TVP23C: variants seen among roughly 807,000 people sequenced by gnomAD.
The protein encoded by TVP23C is trans-golgi network vesicle protein 23 homolog C.
Under a neutral mutation model 28.7 loss-of-function variants are expected in TVP23C, and 19 were observed. The observed-to-expected ratio is 0.66, with a 90% confidence interval of 0.46 to 0.97. The LOEUF is 0.97. Ranked by LOEUF, TVP23C falls within the 50% of genes least tolerant of loss-of-function variation. The probability of loss-of-function intolerance (pLI) is 0.00; values close to 1 mark genes in which losing one functional copy is unlikely to be tolerated. For synonymous variants in TVP23C, 68 were observed against 81.7 expected (o/e 0.83, Z 0.90); for missense variants, 186 against 241.3 (o/e 0.77, Z 1.52).
At chr17:15,532,009 C>T (rs981108336), downstream of TVP23C, among the ~76,000 whole-genome samples, 12 of 152,120 alleles carry the variant, frequency 7.9e-5, no homozygotes, top group African/African-American at 2.9e-4. Flanking sequence ...ATGTTGCAGT[C>T]ACCAAAATCT....
intron 5 of TVP23C, among the ~76,000 whole-genome samples, chr17:15,520,824 T>C (rs1002856616): frequency 2.6e-5 from 4 of 151,880 alleles, no homozygotes; most frequent in Non-Finnish European, 4.4e-5. Flanking sequence ...AGATTGGAAA[T>C]GAAGGAAAAA....
chr17:15,516,786 G>A (rs926680585), intron 5 of TVP23C: 1 of 152,160 alleles, frequency 6.6e-6, no homozygotes. Flanking sequence ...TTGAGGTGAT[G>A]GCCACACATC....
chr17:15,546,102 A>C (rs1457475196), intron 4 of TVP23C, among the ~76,000 whole-genome samples, 186 bp from the exon 5 acceptor site: 1 of 152,218 alleles, frequency 6.6e-6, no homozygotes, highest in Non-Finnish European at 1.5e-5. Flanking sequence ...ATATTAACTC[A>C]AGAATTTTGC....
intron 5 of TVP23C, among the ~76,000 whole-genome samples, chr17:15,524,788 A>T (rs1238409011): frequency 6.6e-6 from 1 of 152,174 alleles, no homozygotes; most frequent in Non-Finnish European, 1.5e-5. Context: ...TTGCTGCTTG[A>T]AAACCTTTAT....
intron 1 of TVP23C, among the ~76,000 whole-genome samples, chr17:15,560,140 A>G (rs1382386469): frequency 1.3e-5 from 2 of 149,198 alleles, no homozygotes; most frequent in African/African-American, 2.4e-5. Flanking sequence ...GCTCACTGCA[A>G]CCTCCGCCTC....
At chr17:15,502,886 T>C (rs1981535834) in exon 6 of TVP23C, 2 of 1,591,144 alleles carry the variant, frequency 1.3e-6, no homozygotes, top group Admixed American at 1.8e-5. Flanking sequence ...GGATGCCAGA[T>C]GAAATTTTGG....
intron 5 of TVP23C, among the ~76,000 whole-genome samples, chr17:15,526,454 C>T (rs1313146961): frequency 6.6e-6 from 1 of 152,196 alleles, no homozygotes; most frequent in African/African-American, 2.4e-5. Flanking sequence ...ACACATAGCA[C>T]TCATAGTTCT....
exon 6 of TVP23C, chr17:15,502,585 G>A: frequency 2.4e-6 from 1 of 410,410 alleles, no homozygotes; most frequent in Non-Finnish European, 4.2e-6. Flanking sequence ...GCATGGCCCT[G>A]CCCCACAAAG....
chr17:15,506,918 G>A, intron 5 of TVP23C: 1 of 1,067,222 alleles, frequency 9.4e-7, no homozygotes, highest in Non-Finnish European at 1.4e-6. Context: ...GAGCCCTTGG[G>A]CCGCATCTCC....
At chr17:15,561,708 G>C (rs372405628) in intron 1 of TVP23C, among the ~76,000 whole-genome samples, 1 of 147,926 alleles carries the variant, frequency 6.8e-6, no homozygotes, top group Non-Finnish European at 1.5e-5. Flanking sequence ...AGCCTCATCC[G>C]GCCTGGGCGC....
chr17:15,504,995 T>G (rs1248640835), intron 5 of TVP23C, among the ~76,000 whole-genome samples: 1 of 152,194 alleles, frequency 6.6e-6, no homozygotes, highest in African/African-American at 2.4e-5. Flanking sequence ...CGCTGTTTAT[T>G]TGAGTCAGCA....
chr17:15,507,953 G>A (rs1325320986), intron 5 of TVP23C, among the ~76,000 whole-genome samples: 3 of 152,228 alleles, frequency 2.0e-5, no homozygotes, highest in Non-Finnish European at 4.4e-5. Context: ...TCGAGTTCAT[G>A]TAAGGAGTAA....
chr17:15,554,900 C>T (rs1256325749), intron 2 of TVP23C, among the ~76,000 whole-genome samples: 2 of 151,996 alleles, frequency 1.3e-5, no homozygotes, highest in East Asian at 1.9e-4. Flanking sequence ...AATTTGCTTT[C>T]GATAAGTGAA....
Position 15,537,945 on chromosome 17 carries a change from A to T in TVP23C, c.*2467T>A. On this transcript the variant is annotated 3_prime_UTR_variant, in exon 6 of 6. Coordinates refer to ENST00000518321, the MANE Select transcript of TVP23C (RefSeq NM_001135036.2). Reference sequence around the variant, plus strand: ...GTGCCAACATATACTTTCTAGCCCCAACTGCTGGAAAGGAAATAAAAACTT... The same window carrying T: ...GTGCCAACATATACTTTCTAGCCCCTACTGCTGGAAAGGAAATAAAAACTT... The T allele has an allele frequency of 6.9e-7, 1 of 1,448,344 alleles. No individual in the cohort carries two copies. Among genetic ancestry groups the T allele is most frequent in the Non-Finnish European group, 9.1e-7 (1 of 1,102,676 alleles). 89.7% of individuals were successfully genotyped at this position (1,448,344 alleles called of 1,614,324 possible).
rs1983279720 is a variant in TVP23C at position 15,538,915 on chromosome 17, A to T, written c.*1497T>A. The T allele has an allele frequency of 1.2e-5, 12 of 985,852 alleles. No homozygotes were observed. Among genetic ancestry groups the T allele is most frequent in the Non-Finnish European group, 1.4e-5 (12 of 829,916 alleles). 61.1% of individuals were successfully genotyped at this position (985,852 alleles called of 1,614,324 possible). A position where few individuals can be genotyped will look rare whatever the true frequency, so the allele number is the denominator to read the frequency against. On this transcript the variant is annotated 3_prime_UTR_variant, in exon 6 of 6. Transcript: ENST00000518321. ...ATGAGATGATCATGTCCCTACATGA[A>T]TATTCATTTTCTCTACTTTTCATCT...
rs531905518 is a variant in TVP23C, at chr17:15,560,245, T to C, written c.12+3192A>G. 4.7e-5 allele frequency among the ~76,000 whole-genome samples: 7 copies of C among 149,242 alleles called. 1 individual carries two copies. In the East Asian group the frequency reaches 1.4e-3, roughly 29 times the overall value. The stretch of plus-strand genomic sequence containing the variant: ...CACCCCCAGGTAATTTTTGTATTTT[T>C]AGTAGAGACGGGGTTTCACCATGTT... On this transcript the variant is annotated intron_variant, in intron 1 of 5. Coordinates refer to ENST00000518321, the MANE Select transcript of TVP23C (RefSeq NM_001135036.2).
chr17:15,548,259 C>A (rs1327579349), intron 3 of TVP23C, among the ~76,000 whole-genome samples: 1 of 152,164 alleles, frequency 6.6e-6, no homozygotes, highest in African/African-American at 2.4e-5. Flanking sequence ...CTCTGCCTCC[C>A]GGGTTCAAAC....
chr17:15,543,551 G>A lies in TVP23C; in HGVS notation c.462+2234C>T, dbSNP rs1298220804. ...AAAGCATGAGGGTGAGATAACAGGAGATGAAAATGGAGCTGACAAAGCTAA... is the reference window on the plus strand; with the variant it reads ...AAAGCATGAGGGTGAGATAACAGGAAATGAAAATGGAGCTGACAAAGCTAA... On this transcript the variant is annotated intron_variant, in intron 5 of 5. Coordinates refer to ENST00000518321, the MANE Select transcript of TVP23C (RefSeq NM_001135036.2). Among the ~76,000 whole-genome samples the A allele has an allele frequency of 3.3e-5, 5 of 151,698 alleles. No individual in the cohort carries two copies. In the East Asian group the frequency reaches 9.6e-4, roughly 29 times the overall value.
intron 5 of TVP23C, chr17:15,507,378 C>T (rs985474490): frequency 3.0e-6 from 2 of 666,184 alleles, no homozygotes; most frequent in Non-Finnish European, 5.5e-6. Flanking sequence ...TTTATCTTAA[C>T]CACTGGACCA....
Sources: gnomAD v4.1 joint callset for allele counts (sites outside exome capture counted in the v4.1 genomes callset) on GRCh38, gnomAD v4.1.1 for gene constraint, MANE v1.5 for transcripts, NCBI Gene and HGNC (gene_info 2026-07-23, HGNC 2026-07-21) for gene names.